Variants in ADAMTS17 observed in about 807,000 individuals in gnomAD.
The protein encoded by ADAMTS17 is A disintegrin and metalloproteinase with thrombospondin motifs 17.
ADAMTS17 carries 113 observed loss-of-function variants against 141.5 expected under a neutral mutation model. The observed-to-expected ratio is 0.80, with a 90% CI of 0.69 to 0.93. The LOEUF is 0.93. ADAMTS17 is among the 40% of genes least tolerant of loss of function. The pLI is 0.00. For synonymous variants in ADAMTS17, 768 were observed against 630.6 expected (o/e 1.22, Z -3.27); for missense variants, 1,659 against 1,517.9 (o/e 1.09, Z -1.54).
chr15:100,225,772 T>C (rs1434543601), intron 7 of ADAMTS17, among the ~76,000 whole-genome samples: 5 of 144,912 alleles, frequency 3.5e-5, no homozygotes, highest in East Asian at 2.2e-4. Context: ...CTCTGTCCCA[T>C]TCTGTCCTTA....
At position 100,250,754 on chromosome 15, in the gene ADAMTS17, C is replaced by T. The variant is rs571696505; in HGVS notation, c.1075+3382G>A. Among the ~76,000 whole-genome samples, 8 of 152,302 alleles carry T rather than the reference C, an allele frequency of 5.3e-5. No homozygotes were observed. The East Asian group carries it at 7.7e-4, about 15-fold the overall frequency. ...AGAGCTGTAGTCTAGTTCACTCTAT[C>T]GGGTCCGTCCATTTCCTGGTTCTGA... On this transcript the variant is annotated intron_variant, in intron 7 of 21. Transcript: ENST00000268070.
chr15:100,233,121 G>A (rs2042540543), intron 7 of ADAMTS17, among the ~76,000 whole-genome samples: 1 of 152,094 alleles, frequency 6.6e-6, no homozygotes, highest in Admixed American at 6.5e-5. Context: ...CTGAGGTCAG[G>A]AGCTCCAGAC....
chr15:100,231,368 A>G (rs1203680834), intron 7 of ADAMTS17, among the ~76,000 whole-genome samples: 1 of 152,230 alleles, frequency 6.6e-6, no homozygotes, highest in Non-Finnish European at 1.5e-5. Flanking sequence ...ATTTCATTAA[A>G]GACAATTCCC....
At chr15:100,121,567 C>T (rs545795861) in intron 12 of ADAMTS17, among the ~76,000 whole-genome samples, 37 of 152,120 alleles carry the variant, frequency 2.4e-4, no homozygotes, top group African/African-American at 7.5e-4. Flanking sequence ...AGAACAGAAC[C>T]GTCAAGCAAG....
intron 21 of ADAMTS17, among the ~76,000 whole-genome samples, chr15:99,975,312 C>T (rs540261337): frequency 3.9e-4 from 60 of 152,320 alleles, no homozygotes; most frequent in African/African-American, 1.3e-3. Context: ...TGGGTTCAAG[C>T]GATTCTCCTG....
At chr15:100,199,599 A>T (rs1049299400) in intron 7 of ADAMTS17, among the ~76,000 whole-genome samples, 176 bp from the exon 8 acceptor site, 3 of 152,174 alleles carry the variant, frequency 2.0e-5, no homozygotes, top group African/African-American at 4.8e-5. Context: ...TGTTCACCCA[A>T]TAAAACAATA....
intron 8 of ADAMTS17, among the ~76,000 whole-genome samples, chr15:100,160,166 AG>A (rs767268896): frequency 6.6e-6 from 1 of 152,112 alleles, no homozygotes; most frequent in Non-Finnish European, 1.5e-5. Context: ...AAGTCCCTTA[AG>A]AAAACAACTC....
At chr15:100,089,416 C>T (rs1444328147) in intron 15 of ADAMTS17, among the ~76,000 whole-genome samples, 15 of 149,750 alleles carry the variant, frequency 1.0e-4, no homozygotes, top group Admixed American at 9.4e-4. Flanking sequence ...TTGTGGAAGA[C>T]AGTGTGGCGA....
intron 18 of ADAMTS17, among the ~76,000 whole-genome samples, chr15:100,023,041 G>A (rs538028390): frequency 8.5e-5 from 13 of 152,198 alleles, no homozygotes; most frequent in Admixed American, 3.9e-4. Flanking sequence ...CTGTCTAATC[G>A]GGCTTTAAGG....
chr15:100,270,264 T>G (rs1372208479), intron 4 of ADAMTS17, among the ~76,000 whole-genome samples: 1 of 152,212 alleles, frequency 6.6e-6, no homozygotes, highest in Admixed American at 6.5e-5. Flanking sequence ...TCTTTCTTGG[T>G]GCAGTTTTTC....
intron 15 of ADAMTS17, among the ~76,000 whole-genome samples, chr15:100,094,933 T>G (rs988179023): frequency 1.3e-5 from 2 of 152,202 alleles, no homozygotes; most frequent in African/African-American, 4.8e-5. Context: ...TAGAACCTTC[T>G]GGAATGCTGG....
intron 18 of ADAMTS17, among the ~76,000 whole-genome samples, chr15:100,027,153 C>T (rs928989382): frequency 2.0e-5 from 3 of 152,206 alleles, no homozygotes; most frequent in East Asian, 1.9e-4. Context: ...TAATCTTTTA[C>T]TACCTGGTTT....
chr15:100,236,229 G>C (rs546484865), intron 7 of ADAMTS17, among the ~76,000 whole-genome samples: 174 of 146,580 alleles, frequency 1.2e-3, no homozygotes, highest in African/African-American at 4.3e-3. Context: ...ATCATGAAAT[G>C]ACAGTAAACA....
intron 8 of ADAMTS17, among the ~76,000 whole-genome samples, chr15:100,165,049 C>T (rs2039893118): frequency 6.6e-6 from 1 of 152,224 alleles, no homozygotes; most frequent in Non-Finnish European, 1.5e-5. Context: ...CACACTCCTC[C>T]TTGCTTCAGA....
At chr15:100,119,265 T>A (rs1037907999) in intron 12 of ADAMTS17, among the ~76,000 whole-genome samples, 3 of 152,146 alleles carry the variant, frequency 2.0e-5, no homozygotes, top group African/African-American at 7.2e-5. Context: ...GGTCCTTTGT[T>A]ATGGCAGCCC....
At position 100,070,646 on chromosome 15, in the gene ADAMTS17, G is replaced by C. The variant is rs1231370109; in HGVS notation, c.2138-16592C>G. Among the ~76,000 whole-genome samples, 10 of 149,868 alleles carry C rather than the reference G, an allele frequency of 6.7e-5. 1 individual carries two copies. Among genetic ancestry groups the C allele is most frequent in the East Asian group, 3.9e-4 (2 of 5,136 alleles). On this transcript the variant is annotated intron_variant, in intron 15 of 21. Coordinates refer to ENST00000268070, the MANE Select transcript of ADAMTS17 (RefSeq NM_139057.4). Reference sequence around the variant, plus strand: ...ACAACCTGCTCCTGAATGACTACTGGGTACATAACGAAATGAAGGCAGAAA... The same window carrying C: ...ACAACCTGCTCCTGAATGACTACTGCGTACATAACGAAATGAAGGCAGAAA...
In ADAMTS17 at chr15:100,306,227, G is replaced by A. The variant is rs144282956; in HGVS notation, c.616+24662C>T. 81 of 318,956 alleles carry A rather than the reference G, an allele frequency of 2.5e-4. No individual in the cohort carries two copies. The East Asian group carries it at 4.1e-3, about 16-fold the overall frequency. The allele number at this position is 318,956 out of a possible 1,614,324, so 19.8% of individuals were successfully genotyped here. A position where few individuals can be genotyped will look rare whatever the true frequency, so the allele number is the denominator to read the frequency against. ...GCCCCCAAATTCTTTGACATTGAGC[G>A]GTGGGGTCTATCTCTCTGCCCTTGA... On this transcript the variant is annotated intron_variant, in intron 3 of 21. Transcript: ENST00000268070.
At chr15:100,151,463 C>G (rs941210418) in intron 10 of ADAMTS17, among the ~76,000 whole-genome samples, 1 of 152,204 alleles carries the variant, frequency 6.6e-6, no homozygotes, top group African/African-American at 2.4e-5. Context: ...GGACCGCATT[C>G]TGGAGGCAGC....
rs937324829 is a variant in ADAMTS17 at position 100,341,266 on chromosome 15, G to A, written c.223C>T (p.Arg75Trp). Residue 75 changes from arginine to tryptophan, a missense_variant, in exon 2 of 22, where the codon CGG (arginine) becomes TGG (tryptophan). Coordinates refer to ENST00000268070, the MANE Select transcript of ADAMTS17 (RefSeq NM_139057.4). ...PRTPPAAPRA[R>W]PGERALLLHL... The stretch of plus-strand genomic sequence containing the variant: ...AGCAGCAGGGCGCGCTCTCCGGGCC[G>A]GGCGCGCGGGGCGGCTGGGGGCGTG... 18 of 1,262,122 alleles carry A rather than the reference G, an allele frequency of 1.4e-5. No homozygotes were observed. Among genetic ancestry groups the A allele is most frequent in the African/African-American group, 6.3e-5 (4 of 63,310 alleles). The allele number at this position is 1,262,122 out of a possible 1,614,324, so 78.2% of individuals were successfully genotyped here.
Sources: gnomAD v4.1 joint callset for allele counts (sites outside exome capture counted in the v4.1 genomes callset) on GRCh38, gnomAD v4.1.1 for gene constraint, MANE v1.5 for transcripts, NCBI Gene and HGNC (gene_info 2026-07-23, HGNC 2026-07-21) for gene names.